The following TSPAN5 variants were observed in gnomAD, a reference collection of about 807,000 sequenced individuals.
TSPAN5 encodes the protein tetraspanin-5.
A neutral mutation model predicts 37.1 loss-of-function variants in TSPAN5; 10 were observed. The ratio of observed to expected loss-of-function variants is 0.27; its 90% CI spans 0.17 to 0.46. The LOEUF (loss-of-function observed/expected upper bound fraction) is 0.46, where lower values mean the gene tolerates loss of function less well. TSPAN5 is among the 20% of genes least tolerant of loss of function. TSPAN5 has a pLI of 1.00. For synonymous variants in TSPAN5, 110 were observed against 118.9 expected (o/e 0.93, Z 0.48); for missense variants, 195 against 326.6 (o/e 0.60, Z 3.11).
At chr4:98,574,098 G>C (rs2110186209) in intron 1 of TSPAN5, among the ~76,000 whole-genome samples, 1 of 152,332 alleles carries the variant, frequency 6.6e-6, no homozygotes, top group South Asian at 2.1e-4. Context: ...GAAAGTATTT[G>C]TTGAACTGAA....
intron 1 of TSPAN5, among the ~76,000 whole-genome samples, chr4:98,626,980 G>T (rs890184068): frequency 6.8e-6 from 1 of 147,154 alleles, no homozygotes; most frequent in Non-Finnish European, 1.5e-5. Context: ...TGGCTAAAAG[G>T]ATGAATGAAT....
intron 1 of TSPAN5, among the ~76,000 whole-genome samples, chr4:98,647,985 G>A (rs1757105144): frequency 6.6e-6 from 1 of 152,008 alleles, no homozygotes; most frequent in South Asian, 2.1e-4. Flanking sequence ...CGTAATCAAA[G>A]ATCTAACTTT....
intron 1 of TSPAN5, among the ~76,000 whole-genome samples, chr4:98,646,696 CT>C (rs1466029946): frequency 1.3e-5 from 2 of 152,004 alleles, no homozygotes; most frequent in Admixed American, 6.6e-5. Context: ...TTTGTTAGAT[CT>C]TTTTTTCCTT....
At chr4:98,565,824 G>A (rs1423831120) in intron 1 of TSPAN5, among the ~76,000 whole-genome samples, 4 of 152,128 alleles carry the variant, frequency 2.6e-5, no homozygotes, top group Admixed American at 2.0e-4. Context: ...TCACCTGCAT[G>A]CCCCATTCAG....
In TSPAN5 at chr4:98,496,982, T is replaced by C. The variant is rs546171559; in HGVS notation, c.133-10098A>G. On this transcript the variant is annotated intron_variant, in intron 2 of 7. Transcript: ENST00000305798. ...GGGGCCTTTGGGAGGTAATTAGGTTTGGAAGATGTCATGAGGGTGGGACCC... is the reference window on the plus strand; with the variant it reads ...GGGGCCTTTGGGAGGTAATTAGGTTCGGAAGATGTCATGAGGGTGGGACCC... Among the ~76,000 whole-genome samples the C allele has an allele frequency of 4.6e-5, 7 of 152,160 alleles. No individual in the cohort carries two copies. In the South Asian group the frequency reaches 1.2e-3, roughly 27 times the overall value.
At chr4:98,639,629 A>G (rs1389468565) in intron 1 of TSPAN5, among the ~76,000 whole-genome samples, 6 of 152,082 alleles carry the variant, frequency 3.9e-5, no homozygotes, top group African/African-American at 9.6e-5. Flanking sequence ...GTCTCACCCC[A>G]TAATGTAACT....
intron 2 of TSPAN5, among the ~76,000 whole-genome samples, chr4:98,489,355 G>A (rs1163698543): frequency 6.6e-6 from 1 of 152,118 alleles, no homozygotes; most frequent in Non-Finnish European, 1.5e-5. Context: ...TACAAATTAG[G>A]CTAAAGCAGG....
At chr4:98,616,358 C>A (rs891223068) in intron 1 of TSPAN5, among the ~76,000 whole-genome samples, 6 of 152,078 alleles carry the variant, frequency 3.9e-5, no homozygotes, top group African/African-American at 1.4e-4. Flanking sequence ...GAAAAGGAAA[C>A]CCACGGCTCC....
intron 1 of TSPAN5, among the ~76,000 whole-genome samples, chr4:98,514,794 T>G (rs1753692102): frequency 6.6e-6 from 1 of 152,164 alleles, no homozygotes; most frequent in African/African-American, 2.4e-5. Context: ...ATCTAGGGGC[T>G]TTGGATAAAC....
intron 1 of TSPAN5, among the ~76,000 whole-genome samples, chr4:98,620,587 A>C (rs1756458587): frequency 6.6e-6 from 1 of 152,218 alleles, no homozygotes; most frequent in Non-Finnish European, 1.5e-5. Context: ...CATATAACAG[A>C]GGCTGCCTTG....
intron 1 of TSPAN5, among the ~76,000 whole-genome samples, chr4:98,643,951 G>T (rs978094869): frequency 6.6e-5 from 10 of 152,328 alleles, no homozygotes; most frequent in Admixed American, 2.6e-4. Context: ...CGAAACAGGT[G>T]CTCAGGAAGT....
chr4:98,497,436 G>A (rs1490252524), intron 2 of TSPAN5, among the ~76,000 whole-genome samples: 1 of 152,030 alleles, frequency 6.6e-6, no homozygotes, highest in Non-Finnish European at 1.5e-5. Context: ...AACTGAATCT[G>A]TCACCACCTT....
intron 2 of TSPAN5, among the ~76,000 whole-genome samples, chr4:98,505,305 T>C (rs2110284006): frequency 6.6e-6 from 1 of 152,304 alleles, no homozygotes; most frequent in South Asian, 2.1e-4. Flanking sequence ...TCCAAACTTC[T>C]TGCAGGACTC....
At chr4:98,568,101 CA>C (rs1755048163) in intron 1 of TSPAN5, among the ~76,000 whole-genome samples, 1 of 152,126 alleles carries the variant, frequency 6.6e-6, no homozygotes, top group African/African-American at 2.4e-5. Flanking sequence ...AGAAAATGAA[CA>C]CTTGTCACTG....
intron 1 of TSPAN5, among the ~76,000 whole-genome samples, chr4:98,611,894 C>CG: frequency 6.6e-6 from 1 of 152,190 alleles, no homozygotes; most frequent in East Asian, 1.9e-4. Context: ...TGGAGGGTGG[C>CG]GAGTGGGCTG....
chr4:98,616,538 G>A (rs574449123), intron 1 of TSPAN5, among the ~76,000 whole-genome samples: 39 of 152,278 alleles, frequency 2.6e-4, no homozygotes, highest in Admixed American at 1.4e-3. Context: ...AAGAGGCGCT[G>A]GATGGCAAGA....
intron 1 of TSPAN5, among the ~76,000 whole-genome samples, chr4:98,598,364 A>G (rs1755801602): frequency 1.4e-5 from 2 of 148,048 alleles, no homozygotes; most frequent in Middle Eastern, 3.4e-3. Context: ...TGAACCCGGT[A>G]CCTCAGATGG....
At chr4:98,563,015 G>C (rs1447758068) in intron 1 of TSPAN5, among the ~76,000 whole-genome samples, 1 of 152,094 alleles carries the variant, frequency 6.6e-6, no homozygotes, top group Admixed American at 6.5e-5. Flanking sequence ...GAATGAAACT[G>C]CCCAAACATA....
At chr4:98,563,830 G>T (rs930575021) in intron 1 of TSPAN5, among the ~76,000 whole-genome samples, 1 of 152,166 alleles carries the variant, frequency 6.6e-6, no homozygotes, top group African/African-American at 2.4e-5. Context: ...GAGACATCTT[G>T]GTTGTCACCC....
Sources: allele counts gnomAD v4.1 joint callset (sites outside exome capture counted in the v4.1 genomes callset), GRCh38; gene constraint gnomAD v4.1.1; transcripts MANE v1.5; gene names NCBI Gene and HGNC (gene_info 2026-07-23, HGNC 2026-07-21).